ARMH3: variants seen among roughly 807,000 people sequenced by gnomAD.
ARMH3 encodes armadillo like helical domain containing 3.
Under a neutral mutation model 99.1 loss-of-function variants are expected in ARMH3, and 60 were observed. That is an observed-to-expected ratio of 0.61 (90% CI 0.49 to 0.75). The LOEUF (loss-of-function observed/expected upper bound fraction) is 0.75. ARMH3 is among the 30% of genes least tolerant of loss of function. The probability of loss-of-function intolerance (pLI) is 0.00; values close to 1 mark genes in which losing one functional copy is unlikely to be tolerated. For synonymous variants in ARMH3, 285 were observed against 292.8 expected, an observed-to-expected ratio of 0.97 and a Z score of 0.27; for missense variants, 679 against 843.1, an observed-to-expected ratio of 0.81 and a Z score of 2.41.
At chr10:101,953,317 G>T (rs1278646187) in intron 22 of ARMH3, among the ~76,000 whole-genome samples, 1 of 152,148 alleles carries the variant, frequency 6.6e-6, no homozygotes, top group Non-Finnish European at 1.5e-5. Context: ...CTTTGGTAAA[G>T]ACAGGGTTTT....
intron 8 of ARMH3, among the ~76,000 whole-genome samples, chr10:102,019,785 G>C (rs532040083): frequency 6.6e-6 from 1 of 151,784 alleles, no homozygotes; most frequent in Non-Finnish European, 1.5e-5. Flanking sequence ...AAAATTAGCC[G>C]GGCGTGGTGG....
At chr10:101,948,187 G>T (rs1171783413) in intron 22 of ARMH3, among the ~76,000 whole-genome samples, 1 of 152,134 alleles carries the variant, frequency 6.6e-6, no homozygotes, top group African/African-American at 2.4e-5. Flanking sequence ...CCAACTGTAA[G>T]CTGTGTACAA....
intron 22 of ARMH3, among the ~76,000 whole-genome samples, chr10:101,945,035 G>T (rs1844456597): frequency 1.3e-5 from 2 of 152,106 alleles, no homozygotes; most frequent in African/African-American, 4.8e-5. Context: ...TCTATCTCCT[G>T]CTGATTACAG....
intron 23 of ARMH3, among the ~76,000 whole-genome samples, chr10:101,904,667 C>CA (rs2068060522): frequency 6.6e-6 from 1 of 151,324 alleles, no homozygotes; most frequent in Non-Finnish European, 1.5e-5. Flanking sequence ...AAAAAAAACT[C>CA]AGTTGGCTGG....
intron 19 of ARMH3, among the ~76,000 whole-genome samples, chr10:101,985,109 ACAC>A (rs1190759218): frequency 6.7e-6 from 1 of 148,598 alleles, no homozygotes; most frequent in Non-Finnish European, 1.5e-5. Flanking sequence ...ACACACACAC[ACAC>A]GTGTACATAT....
At chr10:101,939,535 G>A (rs763784734) in intron 23 of ARMH3, among the ~76,000 whole-genome samples, 1 of 152,184 alleles carries the variant, frequency 6.6e-6, no homozygotes, top group African/African-American at 2.4e-5. Context: ...TGAAGTCATG[G>A]AGAAAAGCTG....
At chr10:102,035,287 C>T (rs1590215941) in intron 2 of ARMH3, among the ~76,000 whole-genome samples, 1 of 152,278 alleles carries the variant, frequency 6.6e-6, no homozygotes, top group Non-Finnish European at 1.5e-5. Flanking sequence ...ATGGCTTGAA[C>T]CCGGGAGGTG....
chr10:101,860,763 T>C (rs781513335), intron 24 of ARMH3, among the ~76,000 whole-genome samples: 13 of 152,202 alleles, frequency 8.5e-5, no homozygotes, highest in Non-Finnish European at 1.6e-4. Flanking sequence ...GTTGAATACC[T>C]AGGGCATTCA....
At chr10:101,972,386 G>A (rs11191162) in intron 20 of ARMH3, among the ~76,000 whole-genome samples, 31,443 of 152,108 alleles carry the variant, frequency 0.21, 3,993 homozygotes, top group Non-Finnish European at 0.29. Context: ...AATAACACAT[G>A]CCTTACCAGT....
At chr10:102,037,821 G>A (rs911200247) in intron 2 of ARMH3, among the ~76,000 whole-genome samples, 6 of 152,002 alleles carry the variant, frequency 3.9e-5, no homozygotes, top group East Asian at 3.9e-4. Context: ...ACTTCTGGCC[G>A]CAAGCAATCC....
intron 24 of ARMH3, among the ~76,000 whole-genome samples, chr10:101,883,364 C>T (rs1450517815): frequency 1.3e-5 from 2 of 151,928 alleles, no homozygotes; most frequent in African/African-American, 2.4e-5. Context: ...TTACAGTAAG[C>T]AATGATCACT....
At chr10:101,952,366 G>T (rs1427593264) in intron 22 of ARMH3, among the ~76,000 whole-genome samples, 1 of 152,004 alleles carries the variant, frequency 6.6e-6, no homozygotes, top group Non-Finnish European at 1.5e-5. Flanking sequence ...AACTATCAGG[G>T]TCATAAAAAA....
intron 16 of ARMH3, 126 bp from the exon 17 acceptor site, chr10:101,993,729 G>T: frequency 3.2e-6 from 2 of 620,192 alleles, no homozygotes; most frequent in Non-Finnish European, 5.5e-6. Context: ...CAGCTAATAG[G>T]ATGAGCCTAG....
chr10:101,889,686 C>T, intron 23 of ARMH3, 196 bp from the exon 24 acceptor site: 1 of 578,840 alleles, frequency 1.7e-6, no homozygotes, highest in Non-Finnish European at 3.1e-6. Context: ...GAAGGATTTA[C>T]TATTAGACAG....
intron 20 of ARMH3, among the ~76,000 whole-genome samples, chr10:101,961,443 T>C (rs907607857): frequency 6.6e-6 from 1 of 152,162 alleles, no homozygotes; most frequent in African/African-American, 2.4e-5. Flanking sequence ...CAAGATCCCC[T>C]TTCTTTAGAA....
intron 15 of ARMH3, among the ~76,000 whole-genome samples, chr10:101,998,603 T>C (rs796902384): frequency 6.6e-6 from 1 of 152,228 alleles, no homozygotes; most frequent in Admixed American, 6.5e-5. Flanking sequence ...GGCTCCTTTC[T>C]GCTCTGGCAA....
At chr10:101,949,501 C>T (rs2135768600) in intron 22 of ARMH3, among the ~76,000 whole-genome samples, 1 of 152,218 alleles carries the variant, frequency 6.6e-6, no homozygotes, top group South Asian at 2.1e-4. Context: ...TCTTCAAAGA[C>T]ACAAGCTTCC....
intron 23 of ARMH3, among the ~76,000 whole-genome samples, chr10:101,935,223 G>T (rs1388061100): frequency 7.9e-6 from 1 of 127,308 alleles, no homozygotes; most frequent in Non-Finnish European, 1.7e-5. Flanking sequence ...GCAAAGCAAC[G>T]ACACAACTCT....
rs1250423267 is a variant in ARMH3, at chr10:101,864,047, C to A, written c.1861-14155G>T. On this transcript the variant is annotated intron_variant, in intron 24 of 25. Coordinates refer to ENST00000370033, the MANE Select transcript of ARMH3 (RefSeq NM_024541.3). Reference sequence around the variant, plus strand: ...CTACACTCCAGCCTGGGCAACAGAGCAAGACTCCATCTCAAAAAAAAAAAA... The same window carrying A: ...CTACACTCCAGCCTGGGCAACAGAGAAAGACTCCATCTCAAAAAAAAAAAA... 1.4e-4 allele frequency among the ~76,000 whole-genome samples: 15 copies of A among 110,290 alleles called. No homozygotes were observed. The Admixed American group carries it at 1.4e-3, about 10-fold the overall frequency. The allele number at this position is 110,290 out of a possible 152,430, so 72.4% of individuals were successfully genotyped here.
Sources: gnomAD v4.1 joint callset for allele counts (sites outside exome capture counted in the v4.1 genomes callset) on GRCh38, gnomAD v4.1.1 for gene constraint, MANE v1.5 for transcripts, NCBI Gene and HGNC (gene_info 2026-07-23, HGNC 2026-07-21) for gene names.